ADGRG6: variants seen among roughly 807,000 people sequenced by gnomAD.
ADGRG6 encodes the protein adhesion G protein-coupled receptor G6.
ADGRG6 carries 84 observed loss-of-function variants against 142.4 expected under a neutral mutation model. The observed-to-expected ratio is 0.59, with a 90% CI of 0.49 to 0.71. The LOEUF is 0.71. ADGRG6 is among the 30% of genes least tolerant of loss of function. The probability of loss-of-function intolerance (pLI) is 0.00; values close to 1 mark genes in which losing one functional copy is unlikely to be tolerated. For missense variants in ADGRG6, 1,367 were observed against 1,466.6 expected (o/e 0.93, Z 1.11); for synonymous variants, 521 against 520.5 (o/e 1.00, Z -0.01).
intron 22 of ADGRG6, among the ~76,000 whole-genome samples, chr6:142,421,161 C>A (rs940540961): frequency 1.3e-5 from 2 of 152,126 alleles, no homozygotes; most frequent in Non-Finnish European, 2.9e-5. Flanking sequence ...GCTTATCTCC[C>A]ATGCTCTTCC....
chr6:142,384,472 G>GT (rs1378976255), intron 6 of ADGRG6, among the ~76,000 whole-genome samples: 1 of 152,116 alleles, frequency 6.6e-6, no homozygotes, highest in Non-Finnish European at 1.5e-5. Context: ...AAATACAGCA[G>GT]TGTACGGTAA....
rs1175152439 is a variant in ADGRG6, at chr6:142,408,174, T to G, written c.2293T>G (p.Leu765Val). 1.3e-6 allele frequency: 2 copies of G among 1,588,600 alleles called. No individual in the cohort carries two copies. Among genetic ancestry groups the G allele is most frequent in the African/African-American group, 1.3e-5 (1 of 74,434 alleles). ...GGATGTAGGACCCCAAAGAAAAACT[T>G]TAGTGAGTTATGTGATGGCGTGCAG... The part of the protein sequence containing the change: ...FQDVGPQRKT[L>V]VSYVMACSIG... Residue 765 changes from leucine to valine, a missense_variant, in exon 16 of 25, where the codon TTA (leucine) becomes GTA (valine). Leu to Val is a conservative substitution (Grantham distance 32). Coordinates refer to ENST00000367609, the MANE Select transcript of ADGRG6 (RefSeq NM_198569.3).
chr6:142,446,186 T>C lies in ADGRG6; in HGVS notation c.*2671T>C, dbSNP rs968066470. On this transcript the variant is annotated 3_prime_UTR_variant, in exon 25 of 25. Coordinates refer to ENST00000367609, the MANE Select transcript of ADGRG6 (RefSeq NM_198569.3). ...AATAGAATTAGCAGTAAGAAGCTAC[T>C]CTAGCTAATTTGCCATTTTACTTAA... 3 of 152,640 alleles carry C rather than the reference T, an allele frequency of 2.0e-5. No homozygotes were observed. Among genetic ancestry groups the C allele is most frequent in the African/African-American group, 7.2e-5 (3 of 41,456 alleles). 9.5% of individuals were successfully genotyped at this position (152,640 alleles called of 1,614,324 possible).
In ADGRG6 at chr6:142,397,735, C is replaced by T. The variant is rs1364476061; in HGVS notation, c.1547C>T (p.Thr516Ile). The T allele has an allele frequency of 6.3e-7, 1 of 1,585,168 alleles. No homozygotes were observed. The highest frequency in any genetic ancestry group is 8.6e-7 in the Non-Finnish European group (1 of 1,169,188). The change falls in exon 10 of 25, where the codon ACA becomes ATA. Residue 516 changes from threonine (T) to isoleucine (I), a missense_variant. By Grantham distance (89) the Thr-to-Ile change is moderately conservative. Coordinates refer to ENST00000367609, the MANE Select transcript of ADGRG6 (RefSeq NM_198569.3). Reference protein sequence around the residue: ...ESLDEGLRLHTVNVRQLGHCL... With the variant: ...ESLDEGLRLHIVNVRQLGHCL... The stretch of plus-strand genomic sequence containing the variant: ...TTGGATGAAGGCTTGAGGCTACATA[C>T]AGTGAATGTGAGACAACTGGGTAAG...
chr6:142,352,823 G>A (rs957463227), intron 2 of ADGRG6, among the ~76,000 whole-genome samples: 23 of 151,804 alleles, frequency 1.5e-4, no homozygotes, highest in African/African-American at 5.3e-4. Context: ...TAAAAAACTT[G>A]TCTCTTCTTA....
chr6:142,388,814 G>C (rs115333312), intron 6 of ADGRG6, among the ~76,000 whole-genome samples: 2,505 of 152,106 alleles, frequency 0.016, 74 homozygotes, highest in African/African-American at 0.056. Context: ...AAGTAGGGAA[G>C]CTTCTGTATA....
chr6:142,340,645 C>A (rs917935368), intron 2 of ADGRG6, among the ~76,000 whole-genome samples: 1 of 152,020 alleles, frequency 6.6e-6, no homozygotes, highest in African/African-American at 2.4e-5. Context: ...CATTCTCTGC[C>A]TTTTCTGAAG....
At chr6:142,419,253 A>G (rs1226099659) in intron 21 of ADGRG6, among the ~76,000 whole-genome samples, 1 of 152,148 alleles carries the variant, frequency 6.6e-6, no homozygotes, top group African/African-American at 2.4e-5. Flanking sequence ...ACTCTGCAGC[A>G]GGCTTGACCT....
rs1776288611 is a variant in ADGRG6, at chr6:142,415,067, A to G, written c.2640A>G (p.Ala880=). The G allele has an allele frequency of 1.2e-6, 2 of 1,612,238 alleles. No individual in the cohort carries two copies. The highest frequency in any genetic ancestry group is 1.7e-6 in the Non-Finnish European group (2 of 1,178,956). Residue 880 remains alanine, a synonymous_variant, in exon 19 of 25, where the codon GCA becomes GCG. Transcript: ENST00000367609. ...IGCGISAIFS[A]ATLLTYVAFE... The stretch of plus-strand genomic sequence containing the variant: ...GTGGAATATCTGCTATTTTTTCAGC[A>G]GCAACTCTCCTGACATATGTTGCTT...
rs1355275579 is a variant in ADGRG6 at position 142,302,237 on chromosome 6, G to C, written c.-93G>C. ...GCCGCGGCGCAGGGCTGGGGCGCCT[G>C]GGTTCCCCCTGGGTGGAGCAGCGGC... On this transcript the variant is annotated 5_prime_UTR_variant, in exon 1 of 25. Coordinates refer to ENST00000367609, the MANE Select transcript of ADGRG6 (RefSeq NM_198569.3). The C allele has an allele frequency of 1.3e-6, 2 of 1,487,160 alleles. No homozygotes were observed. The highest frequency in any genetic ancestry group is 1.8e-6 in the Non-Finnish European group (2 of 1,086,980). 92.1% of individuals were successfully genotyped at this position (1,487,160 alleles called of 1,614,324 possible).
chr6:142,327,216 G>A (rs77214170), intron 2 of ADGRG6, among the ~76,000 whole-genome samples: 1,687 of 151,554 alleles, frequency 0.011, 35 homozygotes, highest in African/African-American at 0.038. Context: ...TGAGGCAAAT[G>A]AACCATAGAT....
intron 9 of ADGRG6, among the ~76,000 whole-genome samples, chr6:142,396,357 G>A (rs1408637747): frequency 3.3e-5 from 5 of 152,110 alleles, no homozygotes; most frequent in Non-Finnish European, 7.4e-5. Context: ...CGAATGGTAA[G>A]CAGTAGATCA....
chr6:142,403,642 T>C (rs761698959), intron 13 of ADGRG6, among the ~76,000 whole-genome samples, 160 bp from the exon 14 acceptor site: 9 of 152,242 alleles, frequency 5.9e-5, no homozygotes, highest in African/African-American at 9.6e-5. Context: ...TTAACAGATA[T>C]CACTGTGGAT....
chr6:142,420,493 A>T (rs901746672), intron 22 of ADGRG6, among the ~76,000 whole-genome samples: 1 of 152,164 alleles, frequency 6.6e-6, no homozygotes, highest in Non-Finnish European at 1.5e-5. Flanking sequence ...CTCTTCATAC[A>T]TCCTGTCCCC....
chr6:142,438,340 T>C lies in ADGRG6; in HGVS notation c.3550T>C (p.Tyr1184His), dbSNP rs1777587731. The C allele has an allele frequency of 3.1e-6, 5 of 1,608,842 alleles. No individual in the cohort carries two copies. The highest frequency in any genetic ancestry group is 3.4e-6 in the Non-Finnish European group (4 of 1,177,508). The change falls in exon 24 of 25, where the codon TAT becomes CAT. Residue 1184 changes from tyrosine (Y) to histidine (H), a missense_variant. Coordinates refer to ENST00000367609, the MANE Select transcript of ADGRG6 (RefSeq NM_198569.3). ...CAAATCTAAATCCAGCTCTACCACCTATTTCAAAAGGAATAGCCACACAGG... is the reference window on the plus strand; with the variant it reads ...CAAATCTAAATCCAGCTCTACCACCCATTTCAAAAGGAATAGCCACACAGG... Reference protein sequence around the residue: ...TSKSKSSSTTYFKRNSHTDSA... With the variant: ...TSKSKSSSTTHFKRNSHTDSA...
intron 22 of ADGRG6, among the ~76,000 whole-genome samples, chr6:142,435,285 T>C (rs946828863): frequency 3.3e-5 from 5 of 152,102 alleles, no homozygotes; most frequent in Non-Finnish European, 5.9e-5. Context: ...CTGAATCAAT[T>C]ACCCTTCCTG....
intron 24 of ADGRG6, among the ~76,000 whole-genome samples, chr6:142,440,008 T>C (rs1777670664): frequency 6.6e-6 from 1 of 152,192 alleles, no homozygotes; most frequent in South Asian, 2.1e-4. Context: ...CAGTTATTAA[T>C]GAATAGGAAT....
In ADGRG6 at chr6:142,367,700, A is replaced by AT. The variant is rs1249915648; in HGVS notation, c.237dup (p.Gln80SerfsTer5). On this transcript the variant is annotated frameshift_variant, in exon 3 of 25. Coordinates refer to ENST00000367609, the MANE Select transcript of ADGRG6 (RefSeq NM_198569.3). LOFTEE classifies it high-confidence loss of function. ...GCTCCGAGCCCCCACCGGTTATATC[A>AT]TTCAGATAACATTTAACGACTTTGA... 1 of 1,613,916 alleles carries AT rather than the reference A, an allele frequency of 6.2e-7. No homozygotes were observed. Among genetic ancestry groups the AT allele is most frequent in the Non-Finnish European group, 8.5e-7 (1 of 1,179,836 alleles).
chr6:142,377,109 T>A (rs997461548), intron 4 of ADGRG6, among the ~76,000 whole-genome samples: 4 of 152,242 alleles, frequency 2.6e-5, no homozygotes, highest in Non-Finnish European at 5.9e-5. Flanking sequence ...CTCTAAATGT[T>A]GCTGTTAATG....
Sources: allele counts gnomAD v4.1 joint callset (sites outside exome capture counted in the v4.1 genomes callset), GRCh38; gene constraint gnomAD v4.1.1; transcripts MANE v1.5; gene names NCBI Gene and HGNC (gene_info 2026-07-23, HGNC 2026-07-21).